Variants in ADAMTS13 observed in about 807,000 individuals in gnomAD.
ADAMTS13 encodes the protein A disintegrin and metalloproteinase with thrombospondin motifs 13.
In ADAMTS13, 110 loss-of-function variants were observed where a neutral mutation model predicts 155.1. The observed-to-expected ratio is 0.71, with a 90% CI of 0.61 to 0.83. The LOEUF is 0.83. Ranked by LOEUF, ADAMTS13 falls within the 40% of genes least tolerant of loss-of-function variation. The pLI, the probability that ADAMTS13 is intolerant of heterozygous loss-of-function variation, is 0.00. For missense variants in ADAMTS13, 1,707 were observed against 1,891.7 expected (o/e 0.90, Z 1.81); for synonymous variants, 758 against 756.4 (o/e 1.00, Z -0.03).
upstream of ADAMTS13, among the ~76,000 whole-genome samples, chr9:133,420,325 G>C (rs889497689): frequency 2.0e-5 from 3 of 152,232 alleles, no homozygotes; most frequent in Non-Finnish European, 4.4e-5. Flanking sequence ...AAAGTGCTGG[G>C]ATTAAAGGCG....
intron 18 of ADAMTS13, 30 bp downstream of exon 18, chr9:133,442,773 A>T: frequency 1.2e-6 from 2 of 1,603,184 alleles, no homozygotes; most frequent in South Asian, 1.1e-5. Context: ...CGCAGCTCCA[A>T]GGGGGAGAGA....
rs148560341 is a variant in ADAMTS13 at position 133,454,423 on chromosome 9, T to C, written c.3053T>C (p.Val1018Ala). The change falls in exon 24 of 29, where the codon GTC becomes GCC. Residue 1018 changes from valine to alanine, a missense_variant. Physicochemically the swap from Val to Ala is moderately conservative, Grantham distance 64 (BLOSUM62 0). This residue lies in a region of ADAMTS13 where 961 missense variants were observed against 1,107.9 expected (regional missense o/e 0.87). Transcript: ENST00000355699. ...GTCTTCTCTTCCTGCAGGTGGAAAG[T>C]CATGTCCCTTGGCCCATGTTCGGCC... Reference protein sequence around the residue: ...SLEPCPPRWKVMSLGPCSASC... With the variant: ...SLEPCPPRWKAMSLGPCSASC... 55 of 1,613,720 alleles carry C rather than the reference T, an allele frequency of 3.4e-5. No homozygotes were observed. The highest frequency in any genetic ancestry group is 4.5e-5 in the Non-Finnish European group (53 of 1,180,018).
chr9:133,437,117 G>C (rs782820436), intron 12 of ADAMTS13, among the ~76,000 whole-genome samples, 162 bp downstream of exon 12: 1 of 152,158 alleles, frequency 6.6e-6, no homozygotes, highest in African/African-American at 2.4e-5. Context: ...GCCAGGCCTC[G>C]CTGGTAGATC....
chr9:133,420,641 G>C (rs1342936495), upstream of ADAMTS13, among the ~76,000 whole-genome samples: 1 of 152,220 alleles, frequency 6.6e-6, no homozygotes, highest in Non-Finnish European at 1.5e-5. Context: ...ACAGATAGCT[G>C]TGAAACCATC....
intron 23 of ADAMTS13, 31 bp downstream of exon 23, chr9:133,449,996 C>T (rs1022526008): frequency 2.6e-6 from 4 of 1,567,538 alleles, no homozygotes; most frequent in Admixed American, 1.9e-5. Context: ...AGGGGCAGCT[C>T]CTGGTGTGTG....
chr9:133,417,218 T>C (rs782018828), upstream of ADAMTS13, among the ~76,000 whole-genome samples: 8 of 152,330 alleles, frequency 5.3e-5, no homozygotes, highest in Non-Finnish European at 1.2e-4. Context: ...GGTTTCACCA[T>C]GTTGGCCGGG....
At chr9:133,421,784 G>A (rs1839969285), upstream of ADAMTS13, among the ~76,000 whole-genome samples, 1 of 152,218 alleles carries the variant, frequency 6.6e-6, no homozygotes, top group Admixed American at 6.5e-5. Flanking sequence ...TGCACTTTGA[G>A]GGGTGGAAAG....
rs1554796236 is a variant in ADAMTS13, at chr9:133,456,895, G to A, written c.3724+176G>A. 2.5e-6 allele frequency: 2 copies of A among 801,248 alleles called. No individual in the cohort carries two copies. The highest frequency in any genetic ancestry group is 1.7e-5 in the African/African-American group (1 of 59,094). The allele number at this position is 801,248 out of a possible 1,614,324, so 49.6% of individuals were successfully genotyped here. A position where few individuals can be genotyped will look rare whatever the true frequency, so the allele number is the denominator to read the frequency against. On this transcript the variant is annotated intron_variant, in intron 27 of 28. Coordinates refer to ENST00000355699, the MANE Select transcript of ADAMTS13 (RefSeq NM_139027.6). The surrounding 1 kb of genome is among the most constrained non-coding windows in gnomAD (Gnocchi z 4.4). ...GTCAGTCTGCACGTGCCAGGGAGGG[G>A]TCACAGGATGAATGCTATATCCCTC...
At position 133,445,876 on chromosome 9, in the gene ADAMTS13, C is replaced by CT; in HGVS notation, c.2731+59dup. ...GCACTCATGGTAACTCTCCTGTCCA[C>CT]TTGCATCTTGCCTCGTTCTGAAAAG... On this transcript the variant is annotated intron_variant, in intron 21 of 28. Coordinates refer to ENST00000355699, the MANE Select transcript of ADAMTS13 (RefSeq NM_139027.6). The surrounding 1 kb of genome is among the most constrained non-coding windows in gnomAD (Gnocchi z 5.0). 1 of 1,512,240 alleles carries CT rather than the reference C, an allele frequency of 6.6e-7. No homozygotes were observed. The highest frequency in any genetic ancestry group is 8.9e-7 in the Non-Finnish European group (1 of 1,129,632). The allele number at this position is 1,512,240 out of a possible 1,614,324, so 93.7% of individuals were successfully genotyped here.
rs1554796712 is a variant in ADAMTS13, at chr9:133,458,097, G to A, written c.3909+3G>A. On this transcript the variant is annotated splice_donor_region_variant and intron_variant, in intron 28 of 28. Transcript: ENST00000355699. The stretch of plus-strand genomic sequence containing the variant: ...GAGCCAATGCCAGCTACATCTTGGT[G>A]AGGCCCAGCATGGGGACTTGTGCTG... 3 of 1,613,036 alleles carry A rather than the reference G, an allele frequency of 1.9e-6. No homozygotes were observed. The highest frequency in any genetic ancestry group is 2.5e-6 in the Non-Finnish European group (3 of 1,179,904).
chr9:133,446,200 A>G (rs1842055755), intron 21 of ADAMTS13, among the ~76,000 whole-genome samples: 2 of 152,206 alleles, frequency 1.3e-5, no homozygotes, highest in African/African-American at 4.8e-5. Flanking sequence ...TATAAAATTT[A>G]CCATCCAAAC....
Position 133,425,857 on chromosome 9 carries a change from T to C in ADAMTS13, c.415-81T>C. The C allele has an allele frequency of 6.3e-7, 1 of 1,591,836 alleles. No individual in the cohort carries two copies. The highest frequency in any genetic ancestry group is 2.3e-5 in the East Asian group (1 of 44,136). ...CTAGTCATAGGGTTGTTAGGAGGAC[T>C]AACTGGGAAACAAACCGACCGCAGT... is the stretch of plus-strand genomic sequence containing the variant. On this transcript the variant is annotated intron_variant, in intron 4 of 28. Coordinates refer to ENST00000355699, the MANE Select transcript of ADAMTS13 (RefSeq NM_139027.6). The surrounding 1 kb of genome is among the most constrained non-coding windows in gnomAD (Gnocchi z 4.6).
chr9:133,449,649 C>G (rs1554793756), intron 22 of ADAMTS13, 134 bp from the exon 23 acceptor site: 1 of 1,014,734 alleles, frequency 9.9e-7, no homozygotes, highest in East Asian at 2.5e-5. Context: ...AGGGGGCCTC[C>G]AGAAAGAGAA....
At chr9:133,417,115 A>C (rs1370974355), upstream of ADAMTS13, among the ~76,000 whole-genome samples, 1 of 152,130 alleles carries the variant, frequency 6.6e-6, no homozygotes, top group Non-Finnish European at 1.5e-5. Flanking sequence ...GGTTCAAGCG[A>C]TTCTTCTGCC....
chr9:133,442,853 G>A (rs587730573), intron 18 of ADAMTS13, 110 bp downstream of exon 18: 1 of 1,453,752 alleles, frequency 6.9e-7, no homozygotes. Context: ...GGGCTGAGCT[G>A]CTCCTGTGCA....
At position 133,424,300 on chromosome 9, in the gene ADAMTS13, G is replaced by A. The variant is rs1036424000; in HGVS notation, c.173-21G>A. On this transcript the variant is annotated intron_variant, in intron 2 of 28. Transcript: ENST00000355699. The surrounding 1 kb of genome is among the most constrained non-coding windows in gnomAD (Gnocchi z 4.3). ...TTGCTCTCTAGAACCATCGCCCTCT[G>A]CTCTCCCTCTCCCCCTCCAGGCCGC... 3.1e-6 allele frequency: 5 copies of A among 1,610,402 alleles called. No homozygotes were observed. Among genetic ancestry groups the A allele is most frequent in the Non-Finnish European group, 4.2e-6 (5 of 1,179,852 alleles).
At chr9:133,433,809 A>G in intron 11 of ADAMTS13, 105 bp downstream of exon 11, 2 of 1,391,880 alleles carry the variant, frequency 1.4e-6, no homozygotes, top group Non-Finnish European at 2.0e-6. Context: ...TGAGAAGGAC[A>G]TTGGGGCCAG....
At chr9:133,443,646 CCCT>C (rs983735619) in intron 19 of ADAMTS13, 85 bp downstream of exon 19, 16 of 1,413,402 alleles carry the variant, frequency 1.1e-5, no homozygotes, top group African/African-American at 1.4e-5. Flanking sequence ...TCTGAGAATC[CCCT>C]CCTCCTGAGG....
chr9:133,459,230 C>G lies in ADAMTS13; in HGVS notation c.*50C>G. The G allele has an allele frequency of 6.6e-7, 1 of 1,526,054 alleles. No homozygotes were observed. The highest frequency in any genetic ancestry group is 1.2e-5 in the South Asian group (1 of 84,684). 94.5% of individuals were successfully genotyped at this position (1,526,054 alleles called of 1,614,324 possible). A position where few individuals can be genotyped will look rare whatever the true frequency, so the allele number is the denominator to read the frequency against. On this transcript the variant is annotated 3_prime_UTR_variant, in exon 29 of 29. Transcript: ENST00000355699. ...TCTGGCCAGCCCTGGAGGGTTGACC[C>G]CTGGTCTCAGTGCTTTCCAATTCGA... is the stretch of plus-strand genomic sequence containing the variant.
Sources: gnomAD v4.1 joint callset for allele counts (sites outside exome capture counted in the v4.1 genomes callset) on GRCh38, gnomAD v4.1.1 for gene constraint, gnomAD v4.1.1 regional missense constraint, Gnocchi (gnomAD v3.1) non-coding constraint, MANE v1.5 for transcripts, NCBI Gene and HGNC (gene_info 2026-07-23, HGNC 2026-07-21) for gene names.